HDGF: variants seen among roughly 807,000 people sequenced by gnomAD.
The protein encoded by HDGF is heparin binding growth factor.
Under a neutral mutation model 30.0 loss-of-function variants are expected in HDGF, and 5 were observed. The ratio of observed to expected loss-of-function variants is 0.17; its 90% CI spans 0.09 to 0.35. The LOEUF (loss-of-function observed/expected upper bound fraction) is 0.35, where lower values mean the gene tolerates loss of function less well. Ranked by LOEUF, HDGF falls within the 10% of genes least tolerant of loss-of-function variation. The probability of loss-of-function intolerance (pLI) is 1.00; values close to 1 mark genes in which losing one functional copy is unlikely to be tolerated. For missense variants in HDGF, 214 were observed against 302.8 expected, an observed-to-expected ratio of 0.71 and a Z score of 2.18; for synonymous variants, 133 against 112.7, an observed-to-expected ratio of 1.18 and a Z score of -1.14.
At position 156,742,299 on chromosome 1, in the gene HDGF, T is replaced by G. The variant is rs1650177253; in HGVS notation, c.*1150A>C. 6.6e-6 allele frequency: 1 copy of G among 152,574 alleles called. No homozygotes were observed. Among genetic ancestry groups the G allele is most frequent in the Non-Finnish European group, 1.5e-5 (1 of 68,096 alleles). 9.5% of individuals were successfully genotyped at this position (152,574 alleles called of 1,614,324 possible). On this transcript the variant is annotated 3_prime_UTR_variant, in exon 6 of 6. Coordinates refer to ENST00000357325, the MANE Select transcript of HDGF (RefSeq NM_004494.3). ...GTGGGAGAGGGCACTTATTTCTCTC[T>G]GTCCTCTCAGTGGGTTACAAATCAG...
At chr1:156,758,638 T>G (rs1651195355) in intron 2 of HDGF, among the ~76,000 whole-genome samples, 1 of 94,294 alleles carries the variant, frequency 1.1e-5, no homozygotes. Context: ...ATTAGCCGGG[T>G]GTGGTGGTGG....
chr1:156,753,090 G>C (rs1651070536), upstream of HDGF, among the ~76,000 whole-genome samples: 1 of 152,220 alleles, frequency 6.6e-6, no homozygotes. Flanking sequence ...GGCATAGAAT[G>C]GCTGCTTGTC....
rs374218853 is a variant in HDGF, at chr1:156,758,411, G to T, written n.373+572C>A. Among the ~76,000 whole-genome samples the T allele has an allele frequency of 3.3e-5, 5 of 152,050 alleles. No individual in the cohort carries two copies. The East Asian group carries it at 7.7e-4, about 24-fold the overall frequency. The stretch of plus-strand genomic sequence containing the variant: ...TCGAGACCATCCTGGCTAACACGGT[G>T]AAACTCCATCTGTACTAAAAATACA... On this transcript the variant is annotated intron_variant and non_coding_transcript_variant, in intron 2 of 7. Coordinates refer to the HDGF transcript ENST00000465180.
At chr1:156,758,618 A>G (rs946533686) in intron 2 of HDGF, among the ~76,000 whole-genome samples, 11 of 146,362 alleles carry the variant, frequency 7.5e-5, no homozygotes, top group African/African-American at 2.8e-4. Context: ...TAAATAAATA[A>G]ATAAAAAAAA....
chr1:156,762,393 C>T (rs931999661), intron 1 of HDGF, among the ~76,000 whole-genome samples: 3 of 151,654 alleles, frequency 2.0e-5, no homozygotes, highest in African/African-American at 4.8e-5. Flanking sequence ...TTAGCGAGAC[C>T]TTGTCTCTAC....
intron 4 of HDGF, 102 bp downstream of exon 4, chr1:156,744,061 C>T (rs958675111): frequency 2.2e-5 from 28 of 1,259,968 alleles, no homozygotes; most frequent in East Asian, 1.2e-4. Context: ...GGGGCTGGAT[C>T]GACCTCTCAG....
At chr1:156,744,124 T>C (rs1212652385) in intron 4 of HDGF, 39 bp downstream of exon 4, 14 of 1,597,882 alleles carry the variant, frequency 8.8e-6, no homozygotes, top group Non-Finnish European at 1.2e-5. Context: ...CCATGGGGAA[T>C]GTTGAGGGGG....
intron 1 of HDGF, chr1:156,747,582 A>AT (rs973652707): frequency 2.0e-5 from 3 of 152,162 alleles, no homozygotes; most frequent in Middle Eastern, 3.4e-3. Flanking sequence ...GCATAGGACA[A>AT]TAATAGCAAA....
chr1:156,748,994 A>G lies in HDGF; in HGVS notation c.87+2349T>C, dbSNP rs577201006. On this transcript the variant is annotated intron_variant, in intron 1 of 5. Transcript: ENST00000357325. ...CAAAAGCAGAAAGGGATCAGGGGGG[A>G]AAATCCCTGAAGTCTTGGAGGTTAA... 9.2e-5 allele frequency among the ~76,000 whole-genome samples: 14 copies of G among 152,324 alleles called. No homozygotes were observed. In the East Asian group the frequency reaches 2.3e-3, roughly 25 times the overall value.
chr1:156,747,866 C>G (rs774106531), intron 1 of HDGF, among the ~76,000 whole-genome samples: 1 of 152,134 alleles, frequency 6.6e-6, no homozygotes, highest in Non-Finnish European at 1.5e-5. Context: ...GCCACCGTCT[C>G]GTGCCACCCC....
intron 1 of HDGF, among the ~76,000 whole-genome samples, chr1:156,764,512 T>C (rs1651316949): frequency 1.3e-5 from 2 of 152,148 alleles, no homozygotes; most frequent in South Asian, 2.1e-4. Flanking sequence ...CAGTTACAAA[T>C]TTCTACAGGT....
In HDGF at chr1:156,751,207, G is replaced by T. The variant is rs1273718242; in HGVS notation, c.87+136C>A. 2.5e-6 allele frequency: 3 copies of T among 1,178,032 alleles called. No homozygotes were observed. Among genetic ancestry groups the T allele is most frequent in the South Asian group, 2.4e-5 (1 of 41,356 alleles). 73.0% of individuals were successfully genotyped at this position (1,178,032 alleles called of 1,614,324 possible). On this transcript the variant is annotated intron_variant, in intron 1 of 5. Transcript: ENST00000357325. The surrounding 1 kb of genome is among the most constrained non-coding windows in gnomAD (Gnocchi z 4.7). ...ATAACCGGCGGGTGGGCTTGGAAGCGACAGAGAAAGAGCCGGAGACCTACA... is the reference window on the plus strand; with the variant it reads ...ATAACCGGCGGGTGGGCTTGGAAGCTACAGAGAAAGAGCCGGAGACCTACA...
intron 1 of HDGF, among the ~76,000 whole-genome samples, chr1:156,761,052 T>G (rs1022910323): frequency 2.6e-5 from 4 of 152,102 alleles, no homozygotes; most frequent in African/African-American, 9.7e-5. Flanking sequence ...GGATCACGCC[T>G]GTAATCCCAG....
upstream of HDGF, chr1:156,752,467 G>T: frequency 9.4e-7 from 1 of 1,065,502 alleles, no homozygotes; most frequent in Non-Finnish European, 1.4e-6. Context: ...ACGGTAGAAT[G>T]CCAATAAACC....
At chr1:156,757,387 AC>A (rs1490625587), upstream of HDGF, among the ~76,000 whole-genome samples, 3 of 151,604 alleles carry the variant, frequency 2.0e-5, no homozygotes, top group Non-Finnish European at 4.4e-5. Flanking sequence ...AATCGCTTGA[AC>A]CCGGGAGGCG....
chr1:156,743,414 G>A lies in HDGF; in HGVS notation c.*35C>T. The A allele has an allele frequency of 6.6e-7, 1 of 1,512,582 alleles. No individual in the cohort carries two copies. Among genetic ancestry groups the A allele is most frequent in the Non-Finnish European group, 8.8e-7 (1 of 1,134,088 alleles). The allele number at this position is 1,512,582 out of a possible 1,614,324, so 93.7% of individuals were successfully genotyped here. On this transcript the variant is annotated 3_prime_UTR_variant, in exon 6 of 6. Transcript: ENST00000357325. Reference sequence around the variant, plus strand: ...CCCAGTAGCACCCAGACAGCAGCAGGAACAGGGTGGGGGCTCCTCTTGAAA... The same window carrying A: ...CCCAGTAGCACCCAGACAGCAGCAGAAACAGGGTGGGGGCTCCTCTTGAAA...
upstream of HDGF, among the ~76,000 whole-genome samples, chr1:156,753,593 C>A (rs1374107733): frequency 6.6e-6 from 1 of 152,156 alleles, no homozygotes; most frequent in Admixed American, 6.5e-5. Flanking sequence ...GCTCTGTTGC[C>A]CAGGCTGGAG....
intron 2 of HDGF, among the ~76,000 whole-genome samples, chr1:156,758,604 T>TAAAAAATAAATAA (rs369799205): frequency 4.1e-5 from 4 of 96,448 alleles, no homozygotes; most frequent in Non-Finnish European, 4.4e-5. Flanking sequence ...AAAAAAAAAA[T>TAAAAAATAAATAA]AAATAAATAA....
At position 156,744,275 on chromosome 1, in the gene HDGF, T is replaced by C; in HGVS notation, c.377A>G (p.Lys126Arg). 1 of 1,614,110 alleles carries C rather than the reference T, an allele frequency of 6.2e-7. No homozygotes were observed. Among genetic ancestry groups the C allele is most frequent in the Non-Finnish European group, 8.5e-7 (1 of 1,180,018 alleles). ...PEAAEGDGDK[K>R]GNAEGSSDEE... ...GTCGCTGCTGCCCTCTGCATTCCCC[T>C]TCTTATCACCGTCACCCTCTGCAGC... The change falls in exon 4 of 6, where the codon AAG (lysine) becomes AGG (arginine). Residue 126 changes from lysine (K) to arginine (R), a missense_variant. Lys to Arg is a conservative substitution (Grantham distance 26, BLOSUM62 2). Coordinates refer to ENST00000357325, the MANE Select transcript of HDGF (RefSeq NM_004494.3).
Sources: gnomAD v4.1 joint callset for allele counts (sites outside exome capture counted in the v4.1 genomes callset) on GRCh38, gnomAD v4.1.1 for gene constraint, Gnocchi (gnomAD v3.1) non-coding constraint, MANE v1.5 for transcripts, NCBI Gene and HGNC (gene_info 2026-07-23, HGNC 2026-07-21) for gene names.